Variants in ENTREP2 observed in about 807,000 individuals in gnomAD.
ENTREP2 encodes the protein endosomal transmembrane epsin interactor 2, also known as protein ENTREP2.
the ENTREP2 span, among the ~76,000 whole-genome samples, chr15:29,137,649 A>G: frequency 5.3e-4 from 81 of 152,302 alleles, no homozygotes; most frequent in African/African-American, 1.9e-3. Flanking sequence ...AGCTTGGTCA[A>G]CATGGCGAAA....
the ENTREP2 span, among the ~76,000 whole-genome samples, chr15:29,355,532 G>A: frequency 6.6e-6 from 1 of 151,534 alleles, no homozygotes; most frequent in African/African-American, 2.4e-5. Context: ...ACACTTGGAG[G>A]ATCAGAAGCT....
the ENTREP2 span, among the ~76,000 whole-genome samples, chr15:29,530,709 C>A: frequency 2.0e-5 from 3 of 152,220 alleles, no homozygotes; most frequent in Non-Finnish European, 2.9e-5. Context: ...TGCCTAAGCA[C>A]AGAAACATAC....
At chr15:29,466,617 C>A in the ENTREP2 span, among the ~76,000 whole-genome samples, 1 of 140,234 alleles carries the variant, frequency 7.1e-6, no homozygotes, top group Non-Finnish European at 1.6e-5. Flanking sequence ...AGGGTAGGGC[C>A]CAGGGGAGGA....
At chr15:29,137,233 C>T in the ENTREP2 span, 4 of 1,441,020 alleles carry the variant, frequency 2.8e-6, no homozygotes, top group Non-Finnish European at 3.6e-6. Flanking sequence ...TCTGGGACAT[C>T]TTGTGTGGCT....
the ENTREP2 span, among the ~76,000 whole-genome samples, chr15:29,618,639 A>G: frequency 6.6e-6 from 1 of 152,186 alleles, no homozygotes; most frequent in South Asian, 2.1e-4. Flanking sequence ...TAAGATAAGC[A>G]TATGTTCTCT....
the ENTREP2 span, among the ~76,000 whole-genome samples, chr15:29,398,884 A>T: frequency 5.3e-5 from 8 of 152,130 alleles, no homozygotes; most frequent in Admixed American, 3.3e-4. Context: ...TGATTAGGTT[A>T]CGCTGCCTGA....
chr15:29,670,013 A>G, the ENTREP2 span, among the ~76,000 whole-genome samples: 2 of 152,210 alleles, frequency 1.3e-5, no homozygotes, highest in African/African-American at 2.4e-5. Context: ...TCAGAACTTC[A>G]AGATGCTATT....
chr15:29,406,731 T>C, the ENTREP2 span, among the ~76,000 whole-genome samples: 1 of 152,186 alleles, frequency 6.6e-6, no homozygotes, highest in African/African-American at 2.4e-5. Flanking sequence ...ATTTCTAAAC[T>C]TGATGCTTTG....
chr15:29,210,266 C>T, the ENTREP2 span, among the ~76,000 whole-genome samples: 1 of 152,206 alleles, frequency 6.6e-6, no homozygotes, highest in Non-Finnish European at 1.5e-5. Flanking sequence ...CTACAGCCAA[C>T]AGGTCAAACC....
the ENTREP2 span, among the ~76,000 whole-genome samples, chr15:29,171,362 G>T: frequency 1.3e-5 from 2 of 152,082 alleles, no homozygotes; most frequent in Non-Finnish European, 2.9e-5. Flanking sequence ...AGGAATGCAG[G>T]TTCACTCATA....
chr15:29,452,027 C>G, the ENTREP2 span, among the ~76,000 whole-genome samples: 4 of 152,190 alleles, frequency 2.6e-5, no homozygotes, highest in African/African-American at 9.6e-5. Context: ...CCATCAAATG[C>G]CTTTTTATAT....
the ENTREP2 span, among the ~76,000 whole-genome samples, chr15:29,246,474 C>T: frequency 5.1e-5 from 7 of 138,402 alleles, no homozygotes; most frequent in East Asian, 4.4e-4. Context: ...GCAGGTGGAT[C>T]GCCTGAGGTC....
At chr15:29,390,003 T>G in the ENTREP2 span, among the ~76,000 whole-genome samples, 4 of 151,322 alleles carry the variant, frequency 2.6e-5, no homozygotes, top group Non-Finnish European at 4.4e-5. Flanking sequence ...AGAGGAGGCT[T>G]AACCCTAATG....
At chr15:29,324,986 A>G in the ENTREP2 span, among the ~76,000 whole-genome samples, 1 of 152,242 alleles carries the variant, frequency 6.6e-6, no homozygotes, top group East Asian at 1.9e-4. Flanking sequence ...AAATCATACA[A>G]AGTATGCTCT....
the ENTREP2 span, among the ~76,000 whole-genome samples, chr15:29,531,074 G>A: frequency 1.3e-5 from 2 of 152,190 alleles, no homozygotes; most frequent in African/African-American, 2.4e-5. Flanking sequence ...ACATGGAGTC[G>A]TGGGCTCCCC....
At chr15:29,569,148 G>A in the ENTREP2 span, among the ~76,000 whole-genome samples, 1 of 152,166 alleles carries the variant, frequency 6.6e-6, no homozygotes, top group African/African-American at 2.4e-5. Context: ...CATGGCTCCC[G>A]TGTGCTTGCC....
At chr15:29,389,550 T>C in the ENTREP2 span, among the ~76,000 whole-genome samples, 1 of 152,180 alleles carries the variant, frequency 6.6e-6, no homozygotes, top group Non-Finnish European at 1.5e-5. Context: ...AACTTTTCCC[T>C]AGAAAGGTAT....
chr15:29,406,593 T>C, the ENTREP2 span, among the ~76,000 whole-genome samples: 1 of 152,180 alleles, frequency 6.6e-6, no homozygotes, highest in Non-Finnish European at 1.5e-5. Flanking sequence ...AATATATGAA[T>C]ATATTTTTAA....
chr15:29,477,543 T>C, the ENTREP2 span, among the ~76,000 whole-genome samples: 1 of 152,206 alleles, frequency 6.6e-6, no homozygotes, highest in African/African-American at 2.4e-5. Context: ...CATTAAATTT[T>C]TCAAGGAATC....
Sources: gnomAD v4.1 joint callset for allele counts (sites outside exome capture counted in the v4.1 genomes callset) on GRCh38, gnomAD v4.1.1 for gene constraint, MANE v1.5 for transcripts, NCBI Gene and HGNC (gene_info 2026-07-23, HGNC 2026-07-21) for gene names.